The following MKLN1 variants were observed in gnomAD, a reference collection of about 807,000 sequenced individuals.
MKLN1 encodes muskelin 1, also known as muskelin.
In MKLN1, 18 loss-of-function variants were observed where a neutral mutation model predicts 99.0. The ratio of observed to expected loss-of-function variants is 0.18; its 90% CI spans 0.13 to 0.27. The LOEUF (loss-of-function observed/expected upper bound fraction) is 0.27, where lower values mean the gene tolerates loss of function less well. Ranked by LOEUF, MKLN1 falls within the 10% of genes least tolerant of loss-of-function variation. The probability of loss-of-function intolerance (pLI) is 1.00; values close to 1 mark genes in which losing one functional copy is unlikely to be tolerated. For synonymous variants in MKLN1, 288 were observed against 293.2 expected, an observed-to-expected ratio of 0.98 and a Z score of 0.18; for missense variants, 621 against 875.9, an observed-to-expected ratio of 0.71 and a Z score of 3.67.
rs926992128 is a variant in MKLN1, at chr7:131,494,292, C to G, written c.*6564C>G. ...AAGTGATTGATTAAATTAGAGGAGGCGTGTAGAATAAATCCCAATCCCATT... is the reference window on the plus strand; with the variant it reads ...AAGTGATTGATTAAATTAGAGGAGGGGTGTAGAATAAATCCCAATCCCATT... On this transcript the variant is annotated 3_prime_UTR_variant, in exon 18 of 18. Coordinates refer to ENST00000352689, the MANE Select transcript of MKLN1 (RefSeq NM_013255.5). 2 of 152,058 alleles carry G rather than the reference C, an allele frequency of 1.3e-5. No individual in the cohort carries two copies. Among genetic ancestry groups the G allele is most frequent in the Non-Finnish European group, 2.9e-5 (2 of 68,012 alleles). The allele number at this position is 152,058 out of a possible 1,614,324, so 9.4% of individuals were successfully genotyped here. A position where few individuals can be genotyped will look rare whatever the true frequency, so the allele number is the denominator to read the frequency against.
At chr7:131,141,447 A>G (rs940435515) in intron 1 of MKLN1, among the ~76,000 whole-genome samples, 2 of 152,204 alleles carry the variant, frequency 1.3e-5, no homozygotes, top group African/African-American at 4.8e-5. Flanking sequence ...AAACTCCAAC[A>G]TGTAATCTAT....
chr7:131,392,739 G>A (rs957448141), intron 4 of MKLN1, among the ~76,000 whole-genome samples: 41 of 151,762 alleles, frequency 2.7e-4, no homozygotes, highest in African/African-American at 9.4e-4. Flanking sequence ...CTAAGTAGCC[G>A]TGATTACAGG....
At chr7:131,167,055 G>T (rs189645743) in intron 2 of MKLN1, among the ~76,000 whole-genome samples, 3 of 151,744 alleles carry the variant, frequency 2.0e-5, no homozygotes, top group African/African-American at 4.8e-5. Flanking sequence ...CACTTCCCCC[G>T]CCACATCCCC....
At chr7:131,433,553 C>T (rs972988600) in intron 9 of MKLN1, among the ~76,000 whole-genome samples, 6 of 152,108 alleles carry the variant, frequency 3.9e-5, no homozygotes, top group Non-Finnish European at 1.5e-5. Flanking sequence ...ATGGTTATAC[C>T]ATTTTATACT....
chr7:131,313,586 A>G (rs1798609505), intron 3 of MKLN1, among the ~76,000 whole-genome samples: 1 of 152,238 alleles, frequency 6.6e-6, no homozygotes, highest in African/African-American at 2.4e-5. Flanking sequence ...GTAACTTTAT[A>G]TCTCAAAGTA....
rs369822031 is a variant in MKLN1, at chr7:131,496,397, G to T, written c.*8669G>T. Reference sequence around the variant, plus strand: ...CTGCAATCTTCCCCATTCCCCTCATGATCTCTGGCTTATCTTTTATCCAAT... The same window carrying T: ...CTGCAATCTTCCCCATTCCCCTCATTATCTCTGGCTTATCTTTTATCCAAT... On this transcript the variant is annotated 3_prime_UTR_variant, in exon 18 of 18. Coordinates refer to ENST00000352689, the MANE Select transcript of MKLN1 (RefSeq NM_013255.5). The T allele has an allele frequency of 7.9e-5, 12 of 152,038 alleles. 1 individual carries two copies. The East Asian group carries it at 1.7e-3, about 22-fold the overall frequency. 9.4% of individuals were successfully genotyped at this position (152,038 alleles called of 1,614,324 possible).
intron 10 of MKLN1, among the ~76,000 whole-genome samples, chr7:131,441,323 A>G (rs1054829460): frequency 6.6e-6 from 1 of 152,184 alleles, no homozygotes; most frequent in Non-Finnish European, 1.5e-5. Context: ...GGAGAAGATT[A>G]TTTTGAACCC....
chr7:131,361,211 A>G (rs1473651162), intron 1 of MKLN1, among the ~76,000 whole-genome samples: 1 of 151,862 alleles, frequency 6.6e-6, no homozygotes, highest in Non-Finnish European at 1.5e-5. Flanking sequence ...TCCAGCCATT[A>G]TTACTTCAAA....
intron 3 of MKLN1, among the ~76,000 whole-genome samples, chr7:131,266,416 C>T (rs1003894046): frequency 6.6e-6 from 1 of 152,150 alleles, no homozygotes; most frequent in African/African-American, 2.4e-5. Flanking sequence ...GTGTAAGACA[C>T]TCATTCATAC....
chr7:131,324,498 C>A (rs1468994169), upstream of MKLN1: 1 of 152,172 alleles, frequency 6.6e-6, no homozygotes, highest in Non-Finnish European at 1.5e-5. Flanking sequence ...TGACTGCAAC[C>A]TGGGAACATA....
rs938589750 is a variant in MKLN1, at chr7:131,422,414, G to A, written c.848-6619G>A. ...ATATTTTTTTTAGTTAGCCAGGCAT[G>A]GTGACATGTGCCTGTAGTCCCAGCT... is the stretch of plus-strand genomic sequence containing the variant. On this transcript the variant is annotated intron_variant, in intron 8 of 17. Coordinates refer to ENST00000352689, the MANE Select transcript of MKLN1 (RefSeq NM_013255.5). 7.9e-5 allele frequency among the ~76,000 whole-genome samples: 12 copies of A among 152,172 alleles called. 1 individual carries two copies. Among genetic ancestry groups the A allele is most frequent in the Non-Finnish European group, 2.9e-5 (2 of 68,040 alleles).
chr7:131,408,912 T>C (rs909651820), intron 6 of MKLN1, among the ~76,000 whole-genome samples: 1 of 152,212 alleles, frequency 6.6e-6, no homozygotes, highest in Non-Finnish European at 1.5e-5. Flanking sequence ...TTAAATAGTT[T>C]AAAAATTATT....
intron 1 of MKLN1, among the ~76,000 whole-genome samples, chr7:131,141,527 C>A (rs142090775): frequency 6.6e-6 from 1 of 152,188 alleles, no homozygotes; most frequent in Admixed American, 6.5e-5. Context: ...TGGTGCTGCT[C>A]ACCTTTCCAG....
At chr7:131,383,814 A>G (rs1793922335) in intron 2 of MKLN1, among the ~76,000 whole-genome samples, 2 of 152,266 alleles carry the variant, frequency 1.3e-5, no homozygotes, top group South Asian at 2.1e-4. Flanking sequence ...AAAACTGTCT[A>G]CTGTTGTCCA....
intron 1 of MKLN1, among the ~76,000 whole-genome samples, chr7:131,369,790 A>G (rs1410829606): frequency 4.6e-5 from 7 of 152,112 alleles, no homozygotes; most frequent in Admixed American, 2.6e-4. Flanking sequence ...TTTTTCCCCT[A>G]GGGTTTTTAT....
chr7:131,427,672 G>C (rs574983676), intron 8 of MKLN1, among the ~76,000 whole-genome samples: 24 of 152,188 alleles, frequency 1.6e-4, no homozygotes, highest in Admixed American at 1.0e-3. Context: ...TCCTGCCTCA[G>C]CCTCCCGAAT....
At position 131,209,236 on chromosome 7, in the gene MKLN1, G is replaced by A. The variant is rs150848017; in HGVS notation, c.-179+6262G>A. Among the ~76,000 whole-genome samples, 147 of 152,344 alleles carry A rather than the reference G, an allele frequency of 9.6e-4. 1 individual carries two copies. The highest frequency in any genetic ancestry group is 3.4e-3 in the Middle Eastern group (1 of 294). On this transcript the variant is annotated intron_variant, in intron 3 of 7. Transcript: ENST00000416992. ...GATCATTTAAGCATGGCTGGCCATG[G>A]TAAGGAATTTGGATTTTTAAGTGAG... is the stretch of plus-strand genomic sequence containing the variant.
chr7:131,470,695 T>C, intron 15 of MKLN1, 147 bp from the exon 16 acceptor site: 1 of 622,156 alleles, frequency 1.6e-6, no homozygotes, highest in East Asian at 3.0e-5. Flanking sequence ...GCAGTATTGT[T>C]AATTCTGGAT....
chr7:131,168,441 A>C (rs1318161500), intron 2 of MKLN1, among the ~76,000 whole-genome samples: 1 of 152,158 alleles, frequency 6.6e-6, no homozygotes, highest in Non-Finnish European at 1.5e-5. Context: ...GCACCTTGAC[A>C]ATCTTTATGC....
Sources: allele counts gnomAD v4.1 joint callset (sites outside exome capture counted in the v4.1 genomes callset), GRCh38; gene constraint gnomAD v4.1.1; transcripts MANE v1.5; gene names NCBI Gene and HGNC (gene_info 2026-07-23, HGNC 2026-07-21).